Variants in RNF123 observed in about 807,000 individuals in gnomAD.
RNF123 encodes the protein E3 ubiquitin-protein ligase RNF123.
A neutral mutation model predicts 168.5 loss-of-function variants in RNF123; 86 were observed. The ratio of observed to expected loss-of-function variants is 0.51; its 90% confidence interval spans 0.43 to 0.61. The LOEUF is 0.61. Among genes scored for constraint, RNF123 ranks in the 20% least tolerant of loss-of-function variants. RNF123 has a pLI of 0.00. For missense variants in RNF123, 1,419 were observed against 1,729.7 expected (o/e 0.82, Z 3.19); for synonymous variants, 666 against 689.1 (o/e 0.97, Z 0.52).
At chr3:49,720,439 T>C (rs771541895) in intron 35 of RNF123, 72 bp from the exon 36 acceptor site, 6 of 1,455,318 alleles carry the variant, frequency 4.1e-6, no homozygotes, top group Non-Finnish European at 4.6e-6. Context: ...GCACTCCTCA[T>C]TGGCAATCCC....
chr3:49,718,019 C>CTCCAG (rs1315190085), intron 35 of RNF123: 1 of 1,613,690 alleles, frequency 6.2e-7, no homozygotes, highest in Non-Finnish European at 8.5e-7. Context: ...AGCTGCAGGC[C>CTCCAG]TCCAGGGTTG....
intron 3 of RNF123, among the ~76,000 whole-genome samples, chr3:49,691,811 C>A (rs895318231): frequency 2.6e-5 from 4 of 152,262 alleles, no homozygotes; most frequent in Non-Finnish European, 5.9e-5. Flanking sequence ...CTGCATGTAC[C>A]TGCCCTCACC....
At chr3:49,705,745 C>T (rs1289439249) in intron 24 of RNF123, 66 bp downstream of exon 24, 3 of 1,604,568 alleles carry the variant, frequency 1.9e-6, no homozygotes, top group Non-Finnish European at 2.6e-6. Context: ...GTGTGTATTC[C>T]TGTGTGCACA....
In RNF123 at chr3:49,699,198, T is replaced by C; in HGVS notation, c.764+93T>C. ...CTACCCCAGGGGTGCCATGGGCTGGTGGCAGGCCCTGGCTGCTGCAGAGTT... is the reference window on the plus strand; with the variant it reads ...CTACCCCAGGGGTGCCATGGGCTGGCGGCAGGCCCTGGCTGCTGCAGAGTT... On this transcript the variant is annotated intron_variant, in intron 10 of 38. Coordinates refer to ENST00000327697, the MANE Select transcript of RNF123 (RefSeq NM_022064.5). This position sits in a 1 kb window ranked among gnomAD's most constrained non-coding sequence, Gnocchi z 4.8. The C allele has an allele frequency of 1.4e-6, 2 of 1,475,914 alleles. No homozygotes were observed. Among genetic ancestry groups the C allele is most frequent in the Non-Finnish European group, 1.8e-6 (2 of 1,094,722 alleles). 91.4% of individuals were successfully genotyped at this position (1,475,914 alleles called of 1,614,324 possible). A position where few individuals can be genotyped will look rare whatever the true frequency, so the allele number is the denominator to read the frequency against.
At position 49,700,341 on chromosome 3, in the gene RNF123, C is replaced by G. The variant is rs762373080; in HGVS notation, c.1099C>G (p.Leu367Val). Residue 367 changes from leucine to valine, a missense_variant, in exon 13 of 39, where the codon CTC becomes GTC. By Grantham distance (32) the Leu-to-Val change is conservative (BLOSUM62 1). Transcript: ENST00000327697. Reference sequence around the variant, plus strand: ...GCACCAGGTCCTGGACCTCTTGTGGCTCTTCATGGAGGTGAGGCTCCTGAC... The same window carrying G: ...GCACCAGGTCCTGGACCTCTTGTGGGTCTTCATGGAGGTGAGGCTCCTGAC... ...VVHQVLDLLW[L>V]FMEDYEVQDC... 1 of 1,614,204 alleles carries G rather than the reference C, an allele frequency of 6.2e-7. No homozygotes were observed. The highest frequency in any genetic ancestry group is 8.5e-7 in the Non-Finnish European group (1 of 1,180,014).
At position 49,699,116 on chromosome 3, in the gene RNF123, G is replaced by T; in HGVS notation, c.764+11G>T. The T allele has an allele frequency of 1.2e-6, 2 of 1,612,198 alleles. No homozygotes were observed. Among genetic ancestry groups the T allele is most frequent in the Non-Finnish European group, 1.7e-6 (2 of 1,179,574 alleles). On this transcript the variant is annotated intron_variant, in intron 10 of 38. Transcript: ENST00000327697. The surrounding 1 kb of genome is among the most constrained non-coding windows in gnomAD (Gnocchi z 4.8). Reference sequence around the variant, plus strand: ...CAGCCGTCCTCTGCGATATCATTTTGTGAAGATGGCTGTGGGCTGCTCAGA... The same window carrying T: ...CAGCCGTCCTCTGCGATATCATTTTTTGAAGATGGCTGTGGGCTGCTCAGA...
chr3:49,721,354 C>T lies in RNF123; in HGVS notation c.*49C>T, dbSNP rs375127888. On this transcript the variant is annotated 3_prime_UTR_variant, in exon 39 of 39. Coordinates refer to ENST00000327697, the MANE Select transcript of RNF123 (RefSeq NM_022064.5). ...GAACCTCCACCTTTGAACCCAGAGC[C>T]AGGCTGGGCCCTATTTATGAGCTCC... is the stretch of plus-strand genomic sequence containing the variant. The T allele has an allele frequency of 1.7e-5, 27 of 1,613,008 alleles. No individual in the cohort carries two copies. In the African/African-American group the frequency reaches 3.5e-4, roughly 21 times the overall value.
At chr3:49,697,243 T>A (rs1279006793) in intron 4 of RNF123, 21 bp downstream of exon 4, 7 of 1,610,312 alleles carry the variant, frequency 4.3e-6, no homozygotes, top group Non-Finnish European at 5.9e-6. Flanking sequence ...ACCTCTGGAG[T>A]GGGGTTGGGA....
intron 3 of RNF123, among the ~76,000 whole-genome samples, chr3:49,696,503 C>T (rs1438433013): frequency 2.6e-5 from 4 of 152,054 alleles, no homozygotes; most frequent in Non-Finnish European, 2.9e-5. Flanking sequence ...CACATGCCAC[C>T]GCGCCCAGCA....
chr3:49,716,477 A>G lies in RNF123; in HGVS notation c.3500A>G (p.Glu1167Gly). 6.2e-7 allele frequency: 1 copy of G among 1,613,520 alleles called. No individual in the cohort carries two copies. The highest frequency in any genetic ancestry group is 8.5e-7 in the Non-Finnish European group (1 of 1,179,710). ...VQLLVRGPAS[E>G]REQATSVLLA... ...CTCCTGGTGCGTGGCCCAGCCTCAG[A>G]GTGAGTGTTGGGGACCGTGGGCCCC... is the stretch of plus-strand genomic sequence containing the variant. Residue 1167 changes from glutamate (E) to glycine (G), a missense_variant and splice_region_variant, in exon 35 of 39, where the codon GAG (glutamate) becomes GGG (glycine). Physicochemically the swap from Glu to Gly is moderately conservative, Grantham distance 98 (BLOSUM62 -2). This residue lies in a region of RNF123 where 164 missense variants were observed against 152.3 expected (regional missense o/e 1.08). Transcript: ENST00000327697.
chr3:49,718,604 G>A, intron 35 of RNF123: 2 of 1,613,024 alleles, frequency 1.2e-6, no homozygotes, highest in Non-Finnish European at 1.7e-6. Flanking sequence ...AGCGCGTACA[G>A]GTGCTCTTCC....
At chr3:49,711,919 C>T (rs1452144099) in intron 26 of RNF123, among the ~76,000 whole-genome samples, 1 of 152,134 alleles carries the variant, frequency 6.6e-6, no homozygotes, top group African/African-American at 2.4e-5. Context: ...GCCCTTCACA[C>T]ACCTTGTACT....
Position 49,705,663 on chromosome 3 carries a change from A to G in RNF123, c.2288A>G (p.His763Arg), listed in dbSNP as rs1414158175. The G allele has an allele frequency of 6.2e-7, 1 of 1,613,982 alleles. No homozygotes were observed. The highest frequency in any genetic ancestry group is 2.2e-5 in the East Asian group (1 of 44,856). The change falls in exon 24 of 39, where the codon CAC becomes CGC. Residue 763 changes from histidine to arginine, a missense_variant. Physicochemically the swap from His to Arg is conservative, Grantham distance 29. Coordinates refer to ENST00000327697, the MANE Select transcript of RNF123 (RefSeq NM_022064.5). ...GAVMMYNLSV[H>R]QQLGKMVGVS... ...GTCATGATGTACAACCTCAGCGTAC[A>G]CCAGCAGCTGGGCAAGGTCGTGCAC...
chr3:49,705,424 T>C, intron 23 of RNF123, 110 bp from the exon 24 acceptor site: 1 of 1,465,248 alleles, frequency 6.8e-7, no homozygotes, highest in Non-Finnish European at 9.2e-7. Context: ...TCCCCGCGGG[T>C]CCCTCCTTGG....
intron 31 of RNF123, 45 bp downstream of exon 31, chr3:49,714,219 C>T (rs369359759): frequency 1.0e-4 from 158 of 1,538,366 alleles, no homozygotes; most frequent in Non-Finnish European, 1.3e-4. Flanking sequence ...CAGGCGGGGG[C>T]GCTTACCTCC....
chr3:49,705,836 A>G (rs981260447), intron 24 of RNF123, 146 bp from the exon 25 acceptor site: 24 of 1,428,894 alleles, frequency 1.7e-5, no homozygotes, highest in Non-Finnish European at 9.7e-7. Context: ...CTGCTGCCTC[A>G]GTCTGACCTG....
chr3:49,715,182 G>T (rs1208890806), intron 31 of RNF123, among the ~76,000 whole-genome samples: 1 of 152,252 alleles, frequency 6.6e-6, no homozygotes, highest in Non-Finnish European at 1.5e-5. Flanking sequence ...GCAGGGCTTA[G>T]AGTAGGCTCT....
rs1198948012 is a variant in RNF123 at position 49,703,446 on chromosome 3, G to C, written c.1770G>C (p.Gln590His). The C allele has an allele frequency of 3.2e-5, 52 of 1,613,998 alleles. No homozygotes were observed. The highest frequency in any genetic ancestry group is 8.3e-5 in the Admixed American group (5 of 60,000). The change falls in exon 21 of 39, where the codon CAG (glutamine) becomes CAC (histidine). Residue 590 changes from glutamine (Q) to histidine (H), a missense_variant. Physicochemically the swap from Gln to His is conservative, Grantham distance 24. This residue lies in a region of RNF123 where 349 missense variants were observed against 344.9 expected (regional missense o/e 1.01). Coordinates refer to ENST00000327697, the MANE Select transcript of RNF123 (RefSeq NM_022064.5). ...SFSEEAYIPP[Q>H]VFYNGKVDYF... ...TCGCAGAGGCCTACATCCCGCCCCA[G>C]GTCTTCTATAATGGCAAGGTGGACT...
chr3:49,720,216 T>C, intron 35 of RNF123: 2 of 219,768 alleles, frequency 9.1e-6, no homozygotes, highest in African/African-American at 4.6e-5. Context: ...CTCGGGAGGC[T>C]AAAGCAGGAG....
Sources: allele counts gnomAD v4.1 joint callset (sites outside exome capture counted in the v4.1 genomes callset), GRCh38; gene constraint gnomAD v4.1.1; regional missense constraint gnomAD v4.1.1; non-coding constraint Gnocchi (gnomAD v3.1); transcripts MANE v1.5; gene names NCBI Gene and HGNC (gene_info 2026-07-23, HGNC 2026-07-21).